The following PRKAG2 variants were observed in gnomAD, a reference collection of about 807,000 sequenced individuals.
PRKAG2 encodes protein kinase AMP-activated non-catalytic subunit gamma 2, also known as 5'-AMP-activated protein kinase subunit gamma-2.
A neutral mutation model predicts 69.6 loss-of-function variants in PRKAG2; 26 were observed. The ratio of observed to expected loss-of-function variants is 0.37; its 90% CI spans 0.27 to 0.52. PRKAG2 has a LOEUF of 0.52. PRKAG2 is among the 20% of genes least tolerant of loss of function. The pLI, the probability that PRKAG2 is intolerant of heterozygous loss-of-function variation, is 0.90. For synonymous variants in PRKAG2, 293 were observed against 285.0 expected, an observed-to-expected ratio of 1.03 and a Z score of -0.28; for missense variants, 557 against 740.0, an observed-to-expected ratio of 0.75 and a Z score of 2.87.
intron 5 of PRKAG2, among the ~76,000 whole-genome samples, chr7:151,625,349 A>C (rs1268865015): frequency 6.6e-6 from 1 of 152,168 alleles, no homozygotes; most frequent in Non-Finnish European, 1.5e-5. Context: ...AAGCTGATGA[A>C]GGCCAGAGTA....
Position 151,557,159 on chromosome 7 carries a change from T to A in PRKAG2, c.*42A>T. ...ATGAGGCAAAACGTGACCCAGAGAC[T>A]TTGTTCAAGTTCTCCTCCTAGGGCG... On this transcript the variant is annotated 3_prime_UTR_variant, in exon 16 of 16. Transcript: ENST00000287878. 6.2e-7 allele frequency: 1 copy of A among 1,614,112 alleles called. No homozygotes were observed. The highest frequency in any genetic ancestry group is 8.5e-7 in the Non-Finnish European group (1 of 1,179,972).
chr7:151,646,640 A>G (rs146689889), intron 4 of PRKAG2, among the ~76,000 whole-genome samples: 94 of 152,276 alleles, frequency 6.2e-4, no homozygotes, highest in African/African-American at 2.1e-3. Context: ...TTATTTTGCA[A>G]TTCCCCGATA....
chr7:151,753,217 C>T (rs2151740907), intron 3 of PRKAG2, among the ~76,000 whole-genome samples: 1 of 152,362 alleles, frequency 6.6e-6, no homozygotes, highest in African/African-American at 2.4e-5. Context: ...TGGAGGTCTC[C>T]TCTTCCAAGA....
At chr7:151,854,914 G>T (rs2079666491) in intron 1 of PRKAG2, among the ~76,000 whole-genome samples, 1 of 151,816 alleles carries the variant, frequency 6.6e-6, no homozygotes, top group East Asian at 1.9e-4. Context: ...GCTGGGGAAA[G>T]CACACACACC....
At position 151,810,343 on chromosome 7, in the gene PRKAG2, C is replaced by T. The variant is rs540091797; in HGVS notation, c.115-23802G>A. The T allele has an allele frequency of 2.0e-5, 3 of 152,336 alleles. No individual in the cohort carries two copies. In the South Asian group the frequency reaches 6.2e-4, roughly 32 times the overall value. The allele number at this position is 152,336 out of a possible 1,614,324, so 9.4% of individuals were successfully genotyped here. A position where few individuals can be genotyped will look rare whatever the true frequency, so the allele number is the denominator to read the frequency against. On this transcript the variant is annotated intron_variant, in intron 1 of 15. Transcript: ENST00000287878. Reference sequence around the variant, plus strand: ...AGAAAAGAAAAGCCCACAAGGTTTCCGAGGCTTGGTGCTGTTTCTCACTGT... The same window carrying T: ...AGAAAAGAAAAGCCCACAAGGTTTCTGAGGCTTGGTGCTGTTTCTCACTGT...
At chr7:151,763,534 G>T (rs781322299) in intron 3 of PRKAG2, among the ~76,000 whole-genome samples, 3 of 152,192 alleles carry the variant, frequency 2.0e-5, no homozygotes, top group African/African-American at 7.2e-5. Context: ...AAGGAAGTTC[G>T]CTGGCTCCTC....
rs557288916 is a variant in PRKAG2, at chr7:151,625,559, G to C, written c.754+6510C>G. On this transcript the variant is annotated intron_variant, in intron 5 of 15. Transcript: ENST00000287878. Reference sequence around the variant, plus strand: ...CAGCAGCATGGCAAATTAATTGGAGGGGGCAGAGCAGGTGCTGGGAGAGCT... The same window carrying C: ...CAGCAGCATGGCAAATTAATTGGAGCGGGCAGAGCAGGTGCTGGGAGAGCT... Among the ~76,000 whole-genome samples the C allele has an allele frequency of 1.4e-4, 22 of 152,298 alleles. No homozygotes were observed. In the South Asian group the frequency reaches 4.1e-3, roughly 29 times the overall value.
intron 3 of PRKAG2, among the ~76,000 whole-genome samples, chr7:151,680,541 G>A (rs1204638845): frequency 2.0e-5 from 3 of 152,246 alleles, no homozygotes; most frequent in Non-Finnish European, 4.4e-5. Context: ...TCTCTGGCAG[G>A]ATCTGGAAAC....
chr7:151,600,360 T>A (rs191049331), intron 5 of PRKAG2, among the ~76,000 whole-genome samples: 2 of 152,192 alleles, frequency 1.3e-5, no homozygotes, highest in South Asian at 4.1e-4. Flanking sequence ...GTTAAACAAG[T>A]GATACTAACC....
intron 6 of PRKAG2, among the ~76,000 whole-genome samples, chr7:151,592,182 A>AG (rs1299278780): frequency 6.6e-6 from 1 of 152,222 alleles, no homozygotes; most frequent in Non-Finnish European, 1.5e-5. Flanking sequence ...TGACTGATGG[A>AG]GAAAAAGCTG....
Position 151,850,154 on chromosome 7 carries a change from G to T in PRKAG2, c.114+26353C>A, listed in dbSNP as rs1162272579. Among the ~76,000 whole-genome samples, 9 of 152,122 alleles carry T rather than the reference G, an allele frequency of 5.9e-5. No homozygotes were observed. The highest frequency in any genetic ancestry group is 5.2e-4 in the Admixed American group (8 of 15,282). ...CAGTGTCTGCAGAAAGAAGCGGGAG[G>T]GGGGTGCAGGGGAACCGTAGCACCA... On this transcript the variant is annotated intron_variant, in intron 1 of 15. Transcript: ENST00000287878. The surrounding 1 kb of genome is among the most constrained non-coding windows in gnomAD (Gnocchi z 4.1).
intron 3 of PRKAG2, among the ~76,000 whole-genome samples, chr7:151,681,987 TTCCTAAGG>T (rs1833955819): frequency 6.6e-6 from 1 of 152,132 alleles, no homozygotes; most frequent in African/African-American, 2.4e-5. Flanking sequence ...CCCCATGTGC[TTCCTAAGG>T]TGGGACAGCC....
At chr7:151,854,312 C>G (rs773373682) in intron 1 of PRKAG2, among the ~76,000 whole-genome samples, 1 of 152,260 alleles carries the variant, frequency 6.6e-6, no homozygotes, top group Non-Finnish European at 1.5e-5. Context: ...CACGAACACA[C>G]GTGCACATGC....
At chr7:151,751,169 C>A (rs1336062394) in intron 3 of PRKAG2, among the ~76,000 whole-genome samples, 1 of 150,030 alleles carries the variant, frequency 6.7e-6, no homozygotes, top group Non-Finnish European at 1.5e-5. Context: ...GTGATCTCAG[C>A]TCACTGCAAG....
At chr7:151,867,780 C>T (rs1009742316) in intron 1 of PRKAG2, among the ~76,000 whole-genome samples, 1 of 152,178 alleles carries the variant, frequency 6.6e-6, no homozygotes, top group Non-Finnish European at 1.5e-5. Context: ...ACTAACCCTG[C>T]GTAAACATAG....
At chr7:151,624,967 G>A (rs77770618) in intron 5 of PRKAG2, among the ~76,000 whole-genome samples, 3,422 of 152,210 alleles carry the variant, frequency 0.022, 128 homozygotes, top group African/African-American at 0.078. Context: ...AAATACATAC[G>A]TTCATTTGTG....
chr7:151,675,960 G>A lies in PRKAG2; in HGVS notation c.467-323C>T, dbSNP rs2727537. Among the ~76,000 whole-genome samples, 84,925 of 151,858 alleles carry A rather than the reference G, an allele frequency of 0.56. 24,536 individuals carry two copies. Among genetic ancestry groups the A allele is most frequent in the Non-Finnish European group, 0.63 (43,014 of 67,954 alleles). Reference sequence around the variant, plus strand: ...CTTAGAATCAGCTGTTTCCAGAAACGCCTCACTATCCACGCTCGGTTGTGG... The same window carrying A: ...CTTAGAATCAGCTGTTTCCAGAAACACCTCACTATCCACGCTCGGTTGTGG... On this transcript the variant is annotated intron_variant, in intron 3 of 15. Transcript: ENST00000287878.
intron 5 of PRKAG2, among the ~76,000 whole-genome samples, chr7:151,622,773 A>T (rs577015221): frequency 2.6e-5 from 4 of 152,346 alleles, no homozygotes; most frequent in African/African-American, 9.6e-5. Context: ...CTGTGTCCAC[A>T]TGGGGCAAAG....
chr7:151,560,436 A>G, intron 15 of PRKAG2, 88 bp downstream of exon 15: 2 of 1,611,722 alleles, frequency 1.2e-6, no homozygotes, highest in East Asian at 2.2e-5. Flanking sequence ...AGGTGGGTGG[A>G]GAAATGATGG....
Sources: gnomAD v4.1 joint callset for allele counts (sites outside exome capture counted in the v4.1 genomes callset) on GRCh38, gnomAD v4.1.1 for gene constraint, Gnocchi (gnomAD v3.1) non-coding constraint, MANE v1.5 for transcripts, NCBI Gene and HGNC (gene_info 2026-07-23, HGNC 2026-07-21) for gene names.